LPAR3: variants seen among roughly 807,000 people sequenced by gnomAD.
LPAR3 encodes the protein lysophosphatidic acid receptor 3, also known as LPA receptor 3.
LPAR3 carries 7 observed loss-of-function variants against 17.8 expected under a neutral mutation model. The observed-to-expected ratio is 0.39, with a 90% CI of 0.22 to 0.74. The LOEUF (loss-of-function observed/expected upper bound fraction) is 0.74, where lower values mean the gene tolerates loss of function less well. Among genes scored for constraint, LPAR3 ranks in the 30% least tolerant of loss-of-function variants. The pLI is 0.40. For synonymous variants in LPAR3, 179 were observed against 179.9 expected (o/e 0.99, Z 0.04); for missense variants, 391 against 453.4 (o/e 0.86, Z 1.25).
At position 84,813,776 on chromosome 1, in the gene LPAR3, G is replaced by A; in HGVS notation, c.*70C>T. The A allele has an allele frequency of 1.6e-6, 2 of 1,238,630 alleles. No individual in the cohort carries two copies. Among genetic ancestry groups the A allele is most frequent in the Non-Finnish European group, 2.3e-6 (2 of 870,990 alleles). 76.7% of individuals were successfully genotyped at this position (1,238,630 alleles called of 1,614,324 possible). A position where few individuals can be genotyped will look rare whatever the true frequency, so the allele number is the denominator to read the frequency against. On this transcript the variant is annotated 3_prime_UTR_variant, in exon 3 of 3. Transcript: ENST00000370611. Reference sequence around the variant, plus strand: ...ATAACACTGTACATGGGCTTTGTTAGAGACAGGTAATCATTCTTAACAGCT... The same window carrying A: ...ATAACACTGTACATGGGCTTTGTTAAAGACAGGTAATCATTCTTAACAGCT...
Position 84,837,025 on chromosome 1 carries a change from AT to A in LPAR3, c.737-22855del, listed in dbSNP as rs397775811. 5.1e-3 allele frequency among the ~76,000 whole-genome samples: 724 copies of A among 141,370 alleles called. 21 individuals carry two copies. In the East Asian group the frequency reaches 0.052, roughly 10 times the overall value. The allele number at this position is 141,370 out of a possible 152,430, so 92.7% of individuals were successfully genotyped here. A position where few individuals can be genotyped will look rare whatever the true frequency, so the allele number is the denominator to read the frequency against. Reference sequence around the variant, plus strand: ...TAAAGGAAAAAACCTTACTTTATCAATTTTTTTTTTTTTTTTTGAGACGGAG... The same window carrying A: ...TAAAGGAAAAAACCTTACTTTATCAATTTTTTTTTTTTTTTTGAGACGGAG... On this transcript the variant is annotated intron_variant, in intron 2 of 2. Coordinates refer to ENST00000370611, the MANE Select transcript of LPAR3 (RefSeq NM_012152.3).
intron 2 of LPAR3, among the ~76,000 whole-genome samples, chr1:84,854,198 G>A (rs569142554): frequency 1.3e-5 from 2 of 151,990 alleles, no homozygotes; most frequent in African/African-American, 2.4e-5. Flanking sequence ...TTCTACCCAC[G>A]GCCCTGGCAT....
At chr1:84,879,291 T>C (rs895490029) in intron 1 of LPAR3, among the ~76,000 whole-genome samples, 3 of 136,822 alleles carry the variant, frequency 2.2e-5, no homozygotes, top group African/African-American at 8.4e-5. Flanking sequence ...CACATTTTCC[T>C]TTTCTTTCTT....
At chr1:84,868,101 T>C (rs1660088549) in intron 1 of LPAR3, among the ~76,000 whole-genome samples, 1 of 151,176 alleles carries the variant, frequency 6.6e-6, no homozygotes, top group Non-Finnish European at 1.5e-5. Flanking sequence ...AAACTCCACT[T>C]AAGAGAGATA....
chr1:84,891,702 A>G (rs1286672494), intron 1 of LPAR3, among the ~76,000 whole-genome samples: 2 of 152,224 alleles, frequency 1.3e-5, no homozygotes, highest in East Asian at 3.8e-4. Flanking sequence ...GTTGTGCGGT[A>G]CATGGAATTT....
intron 2 of LPAR3, among the ~76,000 whole-genome samples, chr1:84,831,850 T>C (rs146234166): frequency 0.024 from 3,521 of 145,594 alleles, 69 homozygotes; most frequent in Admixed American, 0.038. Flanking sequence ...ATATATAATA[T>C]ACATATATCA....
chr1:84,846,775 C>A (rs923436373), intron 2 of LPAR3, among the ~76,000 whole-genome samples: 1 of 151,908 alleles, frequency 6.6e-6, no homozygotes, highest in African/African-American at 2.4e-5. Flanking sequence ...ATAATTTCAA[C>A]CTAATAAAAT....
At chr1:84,828,506 T>C (rs1242479483) in intron 2 of LPAR3, among the ~76,000 whole-genome samples, 1 of 152,200 alleles carries the variant, frequency 6.6e-6, no homozygotes, top group African/African-American at 2.4e-5. Context: ...GTTTACTTTG[T>C]AATATACAAA....
At chr1:84,869,256 A>G (rs377326872) in intron 1 of LPAR3, among the ~76,000 whole-genome samples, 93 of 152,322 alleles carry the variant, frequency 6.1e-4, no homozygotes, top group African/African-American at 2.1e-3. Context: ...TCAAAACCAA[A>G]ACAGTTTAAG....
intron 1 of LPAR3, among the ~76,000 whole-genome samples, chr1:84,875,334 G>T (rs1201786466): frequency 6.6e-6 from 1 of 152,340 alleles, no homozygotes; most frequent in East Asian, 1.9e-4. Flanking sequence ...CTTCTGCTAT[G>T]GTATAATTAT....
chr1:84,853,487 C>G (rs1242781892), intron 2 of LPAR3, among the ~76,000 whole-genome samples: 2 of 152,202 alleles, frequency 1.3e-5, no homozygotes, highest in Non-Finnish European at 2.9e-5. Context: ...CTGACCCTGC[C>G]TCTGAATTTT....
At chr1:84,876,198 G>A (rs1241397545) in intron 1 of LPAR3, among the ~76,000 whole-genome samples, 2 of 152,086 alleles carry the variant, frequency 1.3e-5, no homozygotes, top group Non-Finnish European at 2.9e-5. Flanking sequence ...CTCCTCTCCT[G>A]CCTGCCTCCC....
chr1:84,824,788 G>A (rs1036559648), intron 2 of LPAR3, among the ~76,000 whole-genome samples: 1 of 152,306 alleles, frequency 6.6e-6, no homozygotes, highest in South Asian at 2.1e-4. Context: ...AGTTGCTGCT[G>A]TGTGCCCACA....
Position 84,877,704 on chromosome 1 carries a change from C to T in LPAR3, c.-18-11566G>A, listed in dbSNP as rs533246113. On this transcript the variant is annotated intron_variant, in intron 1 of 2. Coordinates refer to ENST00000370611, the MANE Select transcript of LPAR3 (RefSeq NM_012152.3). ...AAAATGGATTTTTATTTACTAGATTCGGACTCTCAGTCAGGAGGTGGGGTG... is the reference window on the plus strand; with the variant it reads ...AAAATGGATTTTTATTTACTAGATTTGGACTCTCAGTCAGGAGGTGGGGTG... 5.9e-5 allele frequency among the ~76,000 whole-genome samples: 9 copies of T among 152,248 alleles called. No individual in the cohort carries two copies. The South Asian group carries it at 6.2e-4, about 11-fold the overall frequency.
In LPAR3 at chr1:84,853,107, GAAAAA is replaced by G. The variant is rs34146882; in HGVS notation, c.736+12273_736+12277del. ...CCCATCTCTAAATAAGAAAAGAAAA[GAAAAA>G]AAAAAAAAAACCAAGAACAAAAGTC... On this transcript the variant is annotated intron_variant, in intron 2 of 2. Transcript: ENST00000370611. Among the ~76,000 whole-genome samples the G allele has an allele frequency of 2.6e-3, 364 of 141,556 alleles. 1 individual carries two copies. The highest frequency in any genetic ancestry group is 8.8e-3 in the African/African-American group (341 of 38,572). 92.9% of individuals were successfully genotyped at this position (141,556 alleles called of 152,430 possible).
chr1:84,842,072 A>G (rs1006718494), intron 2 of LPAR3, among the ~76,000 whole-genome samples: 1 of 152,296 alleles, frequency 6.6e-6, no homozygotes, highest in South Asian at 2.1e-4. Context: ...GAAGAGAAAG[A>G]ATTTCCTGAA....
intron 2 of LPAR3, among the ~76,000 whole-genome samples, chr1:84,851,350 C>T (rs1315645566): frequency 6.6e-6 from 1 of 152,174 alleles, no homozygotes; most frequent in Non-Finnish European, 1.5e-5. Flanking sequence ...CACTAACTGC[C>T]AGTTCCCACC....
Position 84,865,566 on chromosome 1 carries a change from C to T in LPAR3, c.555G>A (p.Arg185=), listed in dbSNP as rs1295947419. Residue 185 remains arginine (R), a synonymous_variant, in exon 2 of 3, where the codon AGG becomes AGA. Coordinates refer to ENST00000370611, the MANE Select transcript of LPAR3 (RefSeq NM_012152.3). The stretch of plus-strand genomic sequence containing the variant: ...ACACTGTCCAGAAAACAAGGTAACT[C>T]CTGCTGTAAATGGGGGCCAGGGAAG... The part of the protein sequence containing the change: ...ACSSLAPIYS[R]SYLVFWTVSN... 2 of 1,614,184 alleles carry T rather than the reference C, an allele frequency of 1.2e-6. No individual in the cohort carries two copies. Among genetic ancestry groups the T allele is most frequent in the Non-Finnish European group, 1.7e-6 (2 of 1,180,050 alleles).
intron 1 of LPAR3, among the ~76,000 whole-genome samples, chr1:84,892,520 T>C (rs1660572026): frequency 6.6e-6 from 1 of 152,210 alleles, no homozygotes; most frequent in South Asian, 2.1e-4. Context: ...CCCGAATCTC[T>C]AGAAGCCTGC....
Sources: allele counts gnomAD v4.1 joint callset (sites outside exome capture counted in the v4.1 genomes callset), GRCh38; gene constraint gnomAD v4.1.1; transcripts MANE v1.5; gene names NCBI Gene and HGNC (gene_info 2026-07-23, HGNC 2026-07-21).